Variants in OSMR observed in about 807,000 individuals in gnomAD.
OSMR encodes the protein oncostatin M receptor.
A neutral mutation model predicts 99.9 loss-of-function variants in OSMR; 81 were observed. That is an observed-to-expected ratio of 0.81 (90% CI 0.68 to 0.97). OSMR has a LOEUF of 0.97. Ranked by LOEUF, OSMR falls within the 50% of genes least tolerant of loss-of-function variation. OSMR has a pLI of 0.00. For missense variants in OSMR, 1,099 were observed against 1,153.4 expected, an observed-to-expected ratio of 0.95 and a Z score of 0.68; for synonymous variants, 406 against 410.4, an observed-to-expected ratio of 0.99 and a Z score of 0.13.
intron 1 of OSMR, among the ~76,000 whole-genome samples, chr5:38,856,579 G>A (rs1740869517): frequency 6.6e-6 from 1 of 152,194 alleles, no homozygotes; most frequent in Non-Finnish European, 1.5e-5. Flanking sequence ...AACCTTCTAG[G>A]ATTCATAGCC....
chr5:38,921,094 G>GT (rs1273333375), intron 11 of OSMR, among the ~76,000 whole-genome samples: 1 of 152,072 alleles, frequency 6.6e-6, no homozygotes, highest in Non-Finnish European at 1.5e-5. Context: ...CATTCAACAG[G>GT]TATTTTTTGA....
intron 3 of OSMR, among the ~76,000 whole-genome samples, chr5:38,877,467 A>T (rs1429156500): frequency 6.6e-6 from 1 of 152,200 alleles, no homozygotes; most frequent in East Asian, 1.9e-4. Flanking sequence ...AATGAGACTT[A>T]TTTAGTATGA....
chr5:38,910,575 G>A (rs755082595), intron 9 of OSMR, among the ~76,000 whole-genome samples: 4 of 152,082 alleles, frequency 2.6e-5, no homozygotes, highest in African/African-American at 7.2e-5. Flanking sequence ...AAAACCACCC[G>A]ATTACATGGA....
chr5:38,852,718 A>ATTTTTTTTTCTTTTTTT (rs1740494834), intron 1 of OSMR, among the ~76,000 whole-genome samples: 2 of 70,660 alleles, frequency 2.8e-5, no homozygotes, highest in Non-Finnish European at 5.2e-5. Flanking sequence ...TATTGTTTTC[A>ATTTTTTTTTCTTTTTTT]TTTTTTTTTT....
chr5:38,906,505 T>A (rs912091203), intron 9 of OSMR, among the ~76,000 whole-genome samples: 10 of 152,212 alleles, frequency 6.6e-5, no homozygotes, highest in Admixed American at 4.6e-4. Flanking sequence ...TGCTATCAAC[T>A]GTATTGTAGC....
intron 16 of OSMR, 43 bp from the exon 17 acceptor site, chr5:38,932,420 A>C: frequency 7.0e-7 from 1 of 1,424,116 alleles, no homozygotes; most frequent in Non-Finnish European, 9.9e-7. Context: ...TAACTCGTCC[A>C]CTGTACTGTG....
At chr5:38,861,323 CTT>C (rs1413637989) in intron 1 of OSMR, among the ~76,000 whole-genome samples, 1 of 151,976 alleles carries the variant, frequency 6.6e-6, no homozygotes, top group Non-Finnish European at 1.5e-5. Flanking sequence ...GGTGATGATT[CTT>C]AACGAGCATG....
intron 3 of OSMR, among the ~76,000 whole-genome samples, chr5:38,876,752 C>A (rs1362001755): frequency 6.6e-6 from 1 of 152,150 alleles, no homozygotes; most frequent in Non-Finnish European, 1.5e-5. Flanking sequence ...AATAATTTGG[C>A]AACATTTTTC....
intron 3 of OSMR, among the ~76,000 whole-genome samples, chr5:38,878,790 GA>G (rs1561358183): frequency 1.3e-5 from 2 of 152,142 alleles, no homozygotes; most frequent in African/African-American, 4.8e-5. Flanking sequence ...AGTACTTAAG[GA>G]AAAGTTTTAT....
At position 38,932,985 on chromosome 5, in the gene OSMR, C is replaced by T. The variant is rs755266799; in HGVS notation, c.2481C>T (p.Leu827=). 6 of 1,614,178 alleles carry T rather than the reference C, an allele frequency of 3.7e-6. No homozygotes were observed. The South Asian group carries it at 6.6e-5, about 18-fold the overall frequency. Residue 827 remains leucine (L), a synonymous_variant, in exon 18 of 18, where the codon CTC becomes CTT. Transcript: ENST00000274276. ...KIQFLGTRKS[L]TETELTKPNY... ...AGTTCCTAGGCACTAGGAAGTCACT[C>T]ACAGAAACCGAGTTGACTAAGCCTA...
Position 38,932,894 on chromosome 5 carries a change from T to G in OSMR, c.2390T>G (p.Met797Arg). ...TAGGAGAACCCTCACCTAATAATAA[T>G]GAATGTCAGTGACTGTATCCCAGAT... ...KFKENPHLII[M>R]NVSDCIPDAI... The change falls in exon 18 of 18, where the codon ATG becomes AGG. Residue 797 changes from methionine (M) to arginine (R), a missense_variant. Coordinates refer to ENST00000274276, the MANE Select transcript of OSMR (RefSeq NM_003999.3). 1.2e-6 allele frequency: 2 copies of G among 1,613,972 alleles called. No individual in the cohort carries two copies. The highest frequency in any genetic ancestry group is 1.7e-6 in the Non-Finnish European group (2 of 1,179,834).
At chr5:38,895,458 G>T (rs1744446260) in intron 7 of OSMR, among the ~76,000 whole-genome samples, 1 of 152,042 alleles carries the variant, frequency 6.6e-6, no homozygotes, top group Middle Eastern at 3.4e-3. Flanking sequence ...TGTCTATTCA[G>T]GTCTTTTGAC....
chr5:38,920,351 C>G (rs1214888825), intron 11 of OSMR, among the ~76,000 whole-genome samples: 2 of 152,254 alleles, frequency 1.3e-5, no homozygotes, highest in East Asian at 3.9e-4. Flanking sequence ...AAAAAGATTC[C>G]CCTACTCTTT....
chr5:38,882,387 A>C (rs1287548005), intron 4 of OSMR, among the ~76,000 whole-genome samples: 2 of 152,130 alleles, frequency 1.3e-5, no homozygotes, highest in Admixed American at 1.3e-4. Context: ...CCAGCCTGGG[A>C]AACATGGTGA....
intron 11 of OSMR, 64 bp from the exon 12 acceptor site, chr5:38,921,551 T>G: frequency 6.2e-7 from 1 of 1,611,332 alleles, no homozygotes. Context: ...CTTTCTACCT[T>G]ACACACTTAA....
At chr5:38,874,406 C>T (rs1192675722) in intron 2 of OSMR, among the ~76,000 whole-genome samples, 1 of 152,152 alleles carries the variant, frequency 6.6e-6, no homozygotes, top group Non-Finnish European at 1.5e-5. Flanking sequence ...TTGTGGCTCC[C>T]TTTCCTTTTA....
At chr5:38,847,569 C>T (rs892247012) in intron 1 of OSMR, among the ~76,000 whole-genome samples, 18 of 152,100 alleles carry the variant, frequency 1.2e-4, no homozygotes, top group Admixed American at 3.3e-4. Context: ...CACTCAGAGC[C>T]CTTGATGTCC....
downstream of OSMR, among the ~76,000 whole-genome samples, chr5:38,937,611 C>CAG (rs1232746249): frequency 1.4e-4 from 21 of 152,170 alleles, no homozygotes; most frequent in Non-Finnish European, 1.3e-4. This position sits in a 1 kb window ranked among gnomAD's most constrained non-coding sequence, Gnocchi z 4.0. Context: ...ACAGAGAAGT[C>CAG]ACCACTGTCA....
At chr5:38,881,829 C>T in intron 4 of OSMR, 65 bp downstream of exon 4, 2 of 1,388,956 alleles carry the variant, frequency 1.4e-6, no homozygotes. Flanking sequence ...GAGCAATAGT[C>T]AAATAGTGGA....
Sources: allele counts gnomAD v4.1 joint callset (sites outside exome capture counted in the v4.1 genomes callset), GRCh38; gene constraint gnomAD v4.1.1; non-coding constraint Gnocchi (gnomAD v3.1); transcripts MANE v1.5; gene names NCBI Gene and HGNC (gene_info 2026-07-23, HGNC 2026-07-21).